The following PRIM1 variants were observed in gnomAD, a reference collection of about 807,000 sequenced individuals.
PRIM1 encodes the protein DNA primase small subunit.
A neutral mutation model predicts 60.2 loss-of-function variants in PRIM1; 38 were observed. The ratio of observed to expected loss-of-function variants is 0.63; its 90% CI spans 0.49 to 0.83. The LOEUF is 0.83. PRIM1 is among the 40% of genes least tolerant of loss of function. The probability of loss-of-function intolerance (pLI) is 0.00; values close to 1 mark genes in which losing one functional copy is unlikely to be tolerated. For synonymous variants in PRIM1, 158 were observed against 160.2 expected, an observed-to-expected ratio of 0.99 and a Z score of 0.10; for missense variants, 388 against 506.2, an observed-to-expected ratio of 0.77 and a Z score of 2.24.
intron 12 of PRIM1, 27 bp downstream of exon 12, chr12:56,734,120 A>C (rs1234329636): frequency 6.8e-7 from 1 of 1,475,540 alleles, no homozygotes; most frequent in African/African-American, 1.4e-5. Flanking sequence ...ATCTAACTAG[A>C]TAGAAGGGAA....
Position 56,741,391 on chromosome 12 carries a change from A to C in PRIM1, c.982+44T>G, listed in dbSNP as rs372314613. On this transcript the variant is annotated intron_variant, in intron 9 of 12. Coordinates refer to ENST00000338193, the MANE Select transcript of PRIM1 (RefSeq NM_000946.3). The stretch of plus-strand genomic sequence containing the variant: ...TGCCATGCTTACTAAAGCCAATAGC[A>C]ACTCATTTTTCTTTTAGTTTTCCTT... 5 of 1,571,510 alleles carry C rather than the reference A, an allele frequency of 3.2e-6. No homozygotes were observed. The African/African-American group carries it at 5.5e-5, about 17-fold the overall frequency.
At chr12:56,742,836 G>T in intron 7 of PRIM1, 151 bp downstream of exon 7, 2 of 588,284 alleles carry the variant, frequency 3.4e-6, no homozygotes, top group East Asian at 3.6e-5. Flanking sequence ...CCAGACCAGA[G>T]ATACTAAAAT....
At chr12:56,747,581 A>G (rs564748750) in intron 2 of PRIM1, among the ~76,000 whole-genome samples, 90 of 152,306 alleles carry the variant, frequency 5.9e-4, no homozygotes, top group African/African-American at 2.1e-3. Flanking sequence ...CTGTCTCCCT[A>G]CTAAAGATAC....
chr12:56,750,984 C>G lies in PRIM1; in HGVS notation c.261+54G>C, dbSNP rs567605294. On this transcript the variant is annotated intron_variant, in intron 2 of 12. Coordinates refer to ENST00000338193, the MANE Select transcript of PRIM1 (RefSeq NM_000946.3). ...TCTCAAAACGCAAGAGGAATCAACC[C>G]ATTCTTGGTTTACAAAATAAAACAA... 1.1e-4 allele frequency: 138 copies of G among 1,205,708 alleles called. 1 individual carries two copies. The highest frequency in any genetic ancestry group is 9.1e-4 in the East Asian group (31 of 34,106). 74.7% of individuals were successfully genotyped at this position (1,205,708 alleles called of 1,614,324 possible).
chr12:56,740,823 CTTTT>C (rs1034185655), intron 9 of PRIM1, among the ~76,000 whole-genome samples: 1 of 150,892 alleles, frequency 6.6e-6, no homozygotes, highest in Non-Finnish European at 1.5e-5. Flanking sequence ...TTCTTTTTTT[CTTTT>C]TTTTGAGACA....
rs71446569 is a variant in PRIM1, at chr12:56,746,626, TCACACACACACACACA to T, written c.442+139_442+154del. 337 of 640,632 alleles carry T rather than the reference TCACACACACACACACA, an allele frequency of 5.3e-4. 2 individuals are homozygous for T. Among genetic ancestry groups the T allele is most frequent in the South Asian group, 2.6e-3 (144 of 55,040 alleles). 39.7% of individuals were successfully genotyped at this position (640,632 alleles called of 1,614,324 possible). On this transcript the variant is annotated intron_variant, in intron 4 of 12. Transcript: ENST00000338193. Reference sequence around the variant, plus strand: ...AGCCTGGCTGACAGAGTGAGACTCGTCACACACACACACACACACACACACACACACACACACACAC... The same window carrying T: ...AGCCTGGCTGACAGAGTGAGACTCGTCACACACACACACACACACACACAC...
At chr12:56,752,101 G>A (rs1953973498) in intron 1 of PRIM1, 95 bp downstream of exon 1, 4 of 858,858 alleles carry the variant, frequency 4.7e-6, no homozygotes, top group South Asian at 3.4e-5. Flanking sequence ...CACAAAGCCT[G>A]GTGCACAGAA....
At chr12:56,744,288 T>C (rs888376251) in intron 5 of PRIM1, among the ~76,000 whole-genome samples, 165 bp from the exon 6 acceptor site, 1 of 152,200 alleles carries the variant, frequency 6.6e-6, no homozygotes, top group East Asian at 1.9e-4. Context: ...GTGGATCACC[T>C]GAGGTCAAGA....
intron 1 of PRIM1, among the ~76,000 whole-genome samples, chr12:56,751,970 T>G (rs1237366727): frequency 8.9e-5 from 13 of 145,260 alleles, no homozygotes; most frequent in African/African-American, 3.3e-4. Flanking sequence ...GGCTCTGTTT[T>G]TTTTTTTTTT....
intron 12 of PRIM1, 25 bp from the exon 13 acceptor site, chr12:56,731,759 G>A (rs1005634090): frequency 6.8e-7 from 1 of 1,471,348 alleles, no homozygotes; most frequent in Non-Finnish European, 9.2e-7. Context: ...ATAATATATG[G>A]AAGAACAGCA....
intron 11 of PRIM1, among the ~76,000 whole-genome samples, chr12:56,734,652 C>G (rs538425080): frequency 5.3e-5 from 8 of 150,694 alleles, no homozygotes; most frequent in Middle Eastern, 3.4e-3. Context: ...CGAGTGATCT[C>G]CCAGCCTCGG....
chr12:56,734,776 ATT>A (rs1051473332), intron 11 of PRIM1, among the ~76,000 whole-genome samples: 1 of 127,630 alleles, frequency 7.8e-6, no homozygotes, highest in African/African-American at 2.9e-5. Flanking sequence ...AGTCTTTTAT[ATT>A]TATATATATA....
chr12:56,736,795 C>T (rs548227026), intron 11 of PRIM1, among the ~76,000 whole-genome samples: 20 of 151,650 alleles, frequency 1.3e-4, no homozygotes, highest in African/African-American at 2.4e-4. Context: ...TGAGCTACTG[C>T]GCCCGGCCAC....
chr12:56,740,012 C>G (rs1221219256), intron 9 of PRIM1, among the ~76,000 whole-genome samples: 1 of 151,970 alleles, frequency 6.6e-6, no homozygotes, highest in Non-Finnish European at 1.5e-5. Context: ...TGGCGGGTAC[C>G]TGTAATCCCA....
intron 4 of PRIM1, among the ~76,000 whole-genome samples, chr12:56,746,558 G>A (rs1046558168): frequency 6.6e-6 from 1 of 151,496 alleles, no homozygotes; most frequent in African/African-American, 2.4e-5. Context: ...TTGAACCCAG[G>A]AGGCAGAGGT....
rs938073121 is a variant in PRIM1, at chr12:56,739,293, C to T, written c.1052+1G>A. ...GGAGTGATCAATGATCTGAAACATA[C>T]CTTATGGTCGGAACAGTAAATGGAT... On this transcript the variant is annotated splice_donor_variant, in intron 10 of 12. Coordinates refer to ENST00000338193, the MANE Select transcript of PRIM1 (RefSeq NM_000946.3). LOFTEE classifies it high-confidence loss of function. 1.3e-6 allele frequency: 2 copies of T among 1,555,348 alleles called. No homozygotes were observed. The highest frequency in any genetic ancestry group is 1.8e-6 in the Non-Finnish European group (2 of 1,141,480).
chr12:56,750,210 GA>G (rs950565884), intron 2 of PRIM1, among the ~76,000 whole-genome samples: 2 of 152,188 alleles, frequency 1.3e-5, no homozygotes, highest in African/African-American at 4.8e-5. Flanking sequence ...GTTTTAAAAG[GA>G]TTACTCTAGC....
intron 11 of PRIM1, 44 bp downstream of exon 11, chr12:56,738,390 T>C: frequency 6.7e-7 from 1 of 1,493,068 alleles, no homozygotes; most frequent in East Asian, 2.6e-5. Context: ...GATATCTATA[T>C]AAAAACCCTG....
intron 5 of PRIM1, among the ~76,000 whole-genome samples, chr12:56,745,020 T>C (rs1423183647): frequency 6.6e-6 from 1 of 151,724 alleles, no homozygotes; most frequent in East Asian, 1.9e-4. Flanking sequence ...GACAGGAGAA[T>C]TGCTTGAACC....
Sources: gnomAD v4.1 joint callset for allele counts (sites outside exome capture counted in the v4.1 genomes callset) on GRCh38, gnomAD v4.1.1 for gene constraint, MANE v1.5 for transcripts, NCBI Gene and HGNC (gene_info 2026-07-23, HGNC 2026-07-21) for gene names.